The following DACH1 variants were observed in gnomAD, a reference collection of about 807,000 sequenced individuals.
The protein encoded by DACH1 is dachshund family transcription factor 1.
In DACH1, 12 loss-of-function variants were observed where a neutral mutation model predicts 54.2. The ratio of observed to expected loss-of-function variants is 0.22; its 90% CI spans 0.14 to 0.36. The LOEUF (loss-of-function observed/expected upper bound fraction) is 0.36. DACH1 is among the 10% of genes least tolerant of loss of function. DACH1 has a pLI of 1.00. For synonymous variants in DACH1, 386 were observed against 366.2 expected (o/e 1.05, Z -0.62); for missense variants, 805 against 929.8 (o/e 0.87, Z 1.75).
Position 71,597,374 on chromosome 13 carries a change from T to A in DACH1, c.1127-24362A>T, listed in dbSNP as rs560963296. ...ACACAATAAGTATACATAATTTTTT[T>A]AAATTTAAACATAATAGAAATGAAA... On this transcript the variant is annotated intron_variant, in intron 3 of 10. Coordinates refer to ENST00000613252, the MANE Select transcript of DACH1 (RefSeq NM_080759.6). Among the ~76,000 whole-genome samples, 134 of 152,346 alleles carry A rather than the reference T, an allele frequency of 8.8e-4. 1 individual carries two copies. Among genetic ancestry groups the A allele is most frequent in the Non-Finnish European group, 1.6e-3 (110 of 68,026 alleles).
chr13:71,527,287 C>T (rs1345090216), intron 6 of DACH1, among the ~76,000 whole-genome samples: 2 of 151,806 alleles, frequency 1.3e-5, no homozygotes, highest in African/African-American at 2.4e-5. Flanking sequence ...ATAATATAAG[C>T]ATATTATACT....
chr13:71,658,733 T>G (rs761861582), intron 2 of DACH1, among the ~76,000 whole-genome samples: 4 of 152,136 alleles, frequency 2.6e-5, no homozygotes, highest in Non-Finnish European at 5.9e-5. Context: ...AACTAGAAAC[T>G]GTGATTTGAG....
intron 1 of DACH1, among the ~76,000 whole-genome samples, chr13:71,838,720 C>G (rs1888897578): frequency 6.6e-6 from 1 of 152,112 alleles, no homozygotes; most frequent in Non-Finnish European, 1.5e-5. Context: ...TCATGATTTT[C>G]ATTTGTTGTT....
chr13:71,679,469 C>T (rs1284891857), intron 2 of DACH1, among the ~76,000 whole-genome samples: 1 of 151,988 alleles, frequency 6.6e-6, no homozygotes, highest in Non-Finnish European at 1.5e-5. Flanking sequence ...GACAAATCTT[C>T]CCTATTATAA....
chr13:71,866,669 G>C lies in DACH1; in HGVS notation c.101C>G (p.Ser34Cys), dbSNP rs1188348886. 1 of 1,440,658 alleles carries C rather than the reference G, an allele frequency of 6.9e-7. No individual in the cohort carries two copies. Among genetic ancestry groups the C allele is most frequent in the South Asian group, 1.6e-5 (1 of 60,654 alleles). The allele number at this position is 1,440,658 out of a possible 1,614,324, so 89.2% of individuals were successfully genotyped here. A position where few individuals can be genotyped will look rare whatever the true frequency, so the allele number is the denominator to read the frequency against. ...AGGAGCCGGAGACGAAGTCGCCGAA[G>C]AGGTGGAGGTGGTGGTGCCAGAGGA... ...ASSSGTTTST[S>C]SATSSPAPSI... Residue 34 changes from serine (S) to cysteine (C), a missense_variant, in exon 1 of 11, where the codon TCT becomes TGT. By Grantham distance (112) the Ser-to-Cys change is moderately radical. Transcript: ENST00000613252.
At chr13:71,485,710 G>A (rs1366958649) in intron 7 of DACH1, among the ~76,000 whole-genome samples, 3 of 149,634 alleles carry the variant, frequency 2.0e-5, no homozygotes, top group Non-Finnish European at 4.4e-5. Context: ...AGCCTCCTGA[G>A]TACCTGGGAC....
chr13:71,539,104 T>C (rs1274187553), intron 6 of DACH1, among the ~76,000 whole-genome samples: 1 of 152,072 alleles, frequency 6.6e-6, no homozygotes, highest in Non-Finnish European at 1.5e-5. Context: ...GGTTCTGCCA[T>C]ATACACACAG....
At chr13:71,498,849 G>T (rs1283898789) in intron 6 of DACH1, among the ~76,000 whole-genome samples, 1 of 151,970 alleles carries the variant, frequency 6.6e-6, no homozygotes, top group Non-Finnish European at 1.5e-5. Flanking sequence ...GCTCAAAAAA[G>T]AATCTTTAGT....
At chr13:71,650,349 T>C (rs931188725) in intron 2 of DACH1, among the ~76,000 whole-genome samples, 1 of 152,186 alleles carries the variant, frequency 6.6e-6, no homozygotes, top group Admixed American at 6.6e-5. Flanking sequence ...ACTTGGTATA[T>C]TACAGCAGCA....
intron 1 of DACH1, among the ~76,000 whole-genome samples, chr13:71,856,512 T>G (rs545132518): frequency 3.2e-4 from 48 of 152,122 alleles, no homozygotes; most frequent in Non-Finnish European, 6.8e-4. Flanking sequence ...TACTTTCTCC[T>G]ACCAGAAGAT....
At chr13:71,501,535 A>T (rs903745081) in intron 6 of DACH1, among the ~76,000 whole-genome samples, 1 of 152,208 alleles carries the variant, frequency 6.6e-6, no homozygotes, top group Non-Finnish European at 1.5e-5. Context: ...AATCTCTGGA[A>T]GAAGGGAAGA....
chr13:71,630,743 G>C (rs74096978), intron 2 of DACH1, 26 bp from the exon 3 acceptor site: 1 of 1,529,074 alleles, frequency 6.5e-7, no homozygotes, highest in African/African-American at 1.4e-5. Context: ...TAAAAATGAG[G>C]TAATTCAAAT....
At chr13:71,757,522 CTTTT>C (rs71126504) in intron 1 of DACH1, among the ~76,000 whole-genome samples, 2 of 128,930 alleles carry the variant, frequency 1.6e-5, no homozygotes. Flanking sequence ...TTTAAAGGTA[CTTTT>C]TTTTTTTTTT....
intron 1 of DACH1, among the ~76,000 whole-genome samples, chr13:71,740,461 A>G (rs1200421860): frequency 6.6e-6 from 1 of 152,214 alleles, no homozygotes; most frequent in Non-Finnish European, 1.5e-5. Context: ...AAAGCAGATA[A>G]TGTTTTAAAT....
intron 6 of DACH1, among the ~76,000 whole-genome samples, chr13:71,522,875 A>G (rs1291958696): frequency 6.6e-6 from 1 of 152,072 alleles, no homozygotes; most frequent in Admixed American, 6.6e-5. Flanking sequence ...TCTTTTATCG[A>G]AAAGTTAATT....
chr13:71,500,553 G>A (rs1345300645), intron 6 of DACH1, among the ~76,000 whole-genome samples: 1 of 152,124 alleles, frequency 6.6e-6, no homozygotes, highest in Non-Finnish European at 1.5e-5. Flanking sequence ...TATAAAAAAT[G>A]TAAGAGGCCT....
intron 6 of DACH1, among the ~76,000 whole-genome samples, chr13:71,530,209 C>G (rs1882321174): frequency 6.6e-6 from 1 of 152,052 alleles, no homozygotes; most frequent in African/African-American, 2.4e-5. Context: ...TTTAATGTTA[C>G]TTGTTTTACT....
chr13:71,797,718 A>G (rs1256553823), intron 1 of DACH1, among the ~76,000 whole-genome samples: 1 of 152,048 alleles, frequency 6.6e-6, no homozygotes, highest in East Asian at 1.9e-4. Flanking sequence ...ATGTTCCGAG[A>G]TATTTATTTC....
chr13:71,745,847 A>T (rs541698418), intron 1 of DACH1, among the ~76,000 whole-genome samples: 2 of 152,344 alleles, frequency 1.3e-5, no homozygotes, highest in African/African-American at 4.8e-5. Flanking sequence ...CCACCACTAC[A>T]CCTCAAAACA....
Sources: gnomAD v4.1 joint callset for allele counts (sites outside exome capture counted in the v4.1 genomes callset) on GRCh38, gnomAD v4.1.1 for gene constraint, MANE v1.5 for transcripts, NCBI Gene and HGNC (gene_info 2026-07-23, HGNC 2026-07-21) for gene names.